Variants in SGO1 observed in about 807,000 individuals in gnomAD.
SGO1 encodes serologically defined breast cancer antigen NY-BR-85.
In SGO1, 39 loss-of-function variants were observed where a neutral mutation model predicts 50.5. The observed-to-expected ratio is 0.77, with a 90% CI of 0.60 to 1.01. The LOEUF is 1.01. Ranked by LOEUF, SGO1 falls within the 50% of genes least tolerant of loss-of-function variation. The pLI, the probability that SGO1 is intolerant of heterozygous loss-of-function variation, is 0.00. For missense variants in SGO1, 638 were observed against 606.0 expected (o/e 1.05, Z -0.55); for synonymous variants, 191 against 205.1 (o/e 0.93, Z 0.59).
intron 6 of SGO1, 133 bp from the exon 7 acceptor site, chr3:20,171,365 C>CAACACAGTGAGAGCCCA: frequency 1.5e-6 from 1 of 677,998 alleles, no homozygotes; most frequent in Non-Finnish European, 2.3e-6. Context: ...TTTAGATGGG[C>CAACACAGTGAGAGCCCA]TCTCACTGTG....
At chr3:20,169,262 T>C, downstream of SGO1, 1 of 985,108 alleles carries the variant, frequency 1.0e-6, no homozygotes, top group Non-Finnish European at 1.2e-6. Flanking sequence ...TACACAGAGA[T>C]AAGTTGGGAG....
intron 4 of SGO1, among the ~76,000 whole-genome samples, chr3:20,177,627 T>C (rs1241052822): frequency 6.6e-6 from 1 of 152,230 alleles, no homozygotes; most frequent in Non-Finnish European, 1.5e-5. Flanking sequence ...CAACAAAGAA[T>C]TATCTGGCCC....
At chr3:20,184,183 T>C (rs563096781) in intron 1 of SGO1, 149 bp from the exon 2 acceptor site, 504 of 549,284 alleles carry the variant, frequency 9.2e-4, no homozygotes, top group Non-Finnish European at 1.3e-3. Flanking sequence ...AATATAAATT[T>C]TCCCCTTTTA....
chr3:20,170,023 A>G lies in SGO1; in HGVS notation c.*681T>C. The G allele has an allele frequency of 1.0e-6, 1 of 985,000 alleles. No homozygotes were observed. The highest frequency in any genetic ancestry group is 1.2e-6 in the Non-Finnish European group (1 of 829,540). 61.0% of individuals were successfully genotyped at this position (985,000 alleles called of 1,614,324 possible). On this transcript the variant is annotated 3_prime_UTR_variant, in exon 8 of 8. Transcript: ENST00000412997. ...AAAATCATTCACTTTAGTATCCCCTACTTAAGGGAAAAATAGAGATGCCAG... is the reference window on the plus strand; with the variant it reads ...AAAATCATTCACTTTAGTATCCCCTGCTTAAGGGAAAAATAGAGATGCCAG...
At position 20,170,329 on chromosome 3, in the gene SGO1, C is replaced by T. The variant is rs575419111; in HGVS notation, c.*375G>A. ...AGGAGAATCGCTTGAACCTGGGAGG[C>T]GGAGGTTGCGGTAAGCTGAGATCGT... On this transcript the variant is annotated 3_prime_UTR_variant, in exon 8 of 8. Transcript: ENST00000412997. 64 of 661,994 alleles carry T rather than the reference C, an allele frequency of 9.7e-5. No individual in the cohort carries two copies. In the Middle Eastern group the frequency reaches 3.0e-3, roughly 31 times the overall value. 41.0% of individuals were successfully genotyped at this position (661,994 alleles called of 1,614,324 possible). A position where few individuals can be genotyped will look rare whatever the true frequency, so the allele number is the denominator to read the frequency against.
At chr3:20,170,896 A>C in intron 7 of SGO1, 81 bp from the exon 8 acceptor site, 1 of 1,513,656 alleles carries the variant, frequency 6.6e-7, no homozygotes, top group Non-Finnish European at 8.9e-7. Flanking sequence ...TTATGGTAAA[A>C]CACACCAATT....
intron 1 of SGO1, 96 bp downstream of exon 1, chr3:20,185,852 G>C (rs1048152849): frequency 6.6e-6 from 1 of 152,192 alleles, no homozygotes; most frequent in Non-Finnish European, 1.5e-5. Context: ...CGCGGCGAGT[G>C]GGACTCCACG....
chr3:20,181,813 A>G (rs957558677), intron 3 of SGO1, among the ~76,000 whole-genome samples: 2 of 152,214 alleles, frequency 1.3e-5, no homozygotes, highest in African/African-American at 4.8e-5. Flanking sequence ...CGCCTGGCAC[A>G]GTGGCTCATG....
chr3:20,171,295 T>C (rs968228010), intron 6 of SGO1, 63 bp from the exon 7 acceptor site: 116 of 1,342,520 alleles, frequency 8.6e-5, no homozygotes, highest in Non-Finnish European at 9.5e-5. Context: ...ACTTAAATTG[T>C]ACTCAATTGT....
In SGO1 at chr3:20,171,160, A is replaced by G. The variant is rs146108565; in HGVS notation, c.1355T>C (p.Val452Ala). 294 of 1,613,310 alleles carry G rather than the reference A, an allele frequency of 1.8e-4. No homozygotes were observed. The African/African-American group carries it at 3.5e-3, about 19-fold the overall frequency. The stretch of plus-strand genomic sequence containing the variant: ...AAGAGAAAGTCTTCTGATTTTCACA[A>G]CAGGATACAAGGAGACATTGGTGAT... ...KDITNVSLYP[V>A]VKIRRLSLSP... is the part of the protein sequence containing the mutation. Residue 452 changes from valine to alanine, a missense_variant, in exon 7 of 8, where the codon GTT becomes GCT. Coordinates refer to ENST00000412997, the MANE Select transcript of SGO1 (RefSeq NM_001199251.3).
intron 3 of SGO1, among the ~76,000 whole-genome samples, chr3:20,179,407 A>C (rs1701759995): frequency 6.6e-6 from 1 of 152,192 alleles, no homozygotes; most frequent in East Asian, 1.9e-4. Context: ...AGGGTATAAG[A>C]TGAGTCTACA....
At chr3:20,184,107 A>G in intron 1 of SGO1, 73 bp from the exon 2 acceptor site, 1 of 1,208,216 alleles carries the variant, frequency 8.3e-7, no homozygotes, top group Non-Finnish European at 1.1e-6. Flanking sequence ...TAGGCTGTTC[A>G]TAAAGAATGC....
chr3:20,180,881 C>T (rs1360881555), intron 3 of SGO1, among the ~76,000 whole-genome samples: 2 of 152,202 alleles, frequency 1.3e-5, no homozygotes, highest in African/African-American at 4.8e-5. Context: ...AATCCCAGCA[C>T]ATTGGGAGGC....
intron 8 of SGO1, among the ~76,000 whole-genome samples, chr3:20,162,884 A>G (rs1700112642): frequency 6.6e-6 from 1 of 152,020 alleles, no homozygotes; most frequent in African/African-American, 2.4e-5. Context: ...GAAACTATCC[A>G]AAATGAAGCC....
chr3:20,186,515 A>G (rs763056337), upstream of SGO1: 3 of 152,242 alleles, frequency 2.0e-5, no homozygotes, highest in African/African-American at 4.8e-5. Context: ...GACAGCTTCA[A>G]ATGTCCCGGG....
At chr3:20,172,432 C>T (rs987765102) in intron 6 of SGO1, among the ~76,000 whole-genome samples, 15 of 141,572 alleles carry the variant, frequency 1.1e-4, no homozygotes, top group Middle Eastern at 3.9e-3. Context: ...ACCCAGGAGG[C>T]GGAGGTTGGG....
rs936438467 is a variant in SGO1 at position 20,170,629 on chromosome 3, T to C, written c.*75A>G. ...CTATGGCAATGGCTCACTCTGTTTG[T>C]GTACTCTTACAGATCCTCTCCTGAA... On this transcript the variant is annotated 3_prime_UTR_variant, in exon 8 of 8. Coordinates refer to ENST00000412997, the MANE Select transcript of SGO1 (RefSeq NM_001199251.3). 85 of 1,448,300 alleles carry C rather than the reference T, an allele frequency of 5.9e-5. 1 individual carries two copies. The East Asian group carries it at 2.2e-3, about 37-fold the overall frequency. 89.7% of individuals were successfully genotyped at this position (1,448,300 alleles called of 1,614,324 possible).
chr3:20,175,154 A>T (rs1344838801), intron 5 of SGO1, 99 bp from the exon 6 acceptor site: 1 of 1,199,410 alleles, frequency 8.3e-7, no homozygotes, highest in Non-Finnish European at 1.1e-6. Flanking sequence ...AATGACCAAA[A>T]GGTCATTCTG....
chr3:20,163,649 C>T (rs572868843), intron 8 of SGO1, among the ~76,000 whole-genome samples: 26 of 152,096 alleles, frequency 1.7e-4, no homozygotes, highest in African/African-American at 6.3e-4. Context: ...ATAATAAGAG[C>T]GAGATTATTT....
Sources: allele counts gnomAD v4.1 joint callset (sites outside exome capture counted in the v4.1 genomes callset), GRCh38; gene constraint gnomAD v4.1.1; transcripts MANE v1.5; gene names NCBI Gene and HGNC (gene_info 2026-07-23, HGNC 2026-07-21).